CARF: variants seen among roughly 807,000 people sequenced by gnomAD.
CARF encodes calcium-responsive transcription factor.
A neutral mutation model predicts 82.0 loss-of-function variants in CARF; 57 were observed. The ratio of observed to expected loss-of-function variants is 0.70; its 90% CI spans 0.56 to 0.87. CARF has a LOEUF of 0.87. Among genes scored for constraint, CARF ranks in the 40% least tolerant of loss-of-function variants. The probability of loss-of-function intolerance (pLI) is 0.00; values close to 1 mark genes in which losing one functional copy is unlikely to be tolerated. For missense variants in CARF, 771 were observed against 855.8 expected (o/e 0.90, Z 1.24); for synonymous variants, 268 against 290.1 (o/e 0.92, Z 0.77).
chr2:202,942,989 C>T (rs2058304951), intron 5 of CARF, 22 bp downstream of exon 5: 1 of 1,590,748 alleles, frequency 6.3e-7, no homozygotes. Flanking sequence ...TTATAAGTAA[C>T]CAGTTTTATG....
At chr2:202,970,154 TTTCA>T (rs774552534) in intron 11 of CARF, 92 bp downstream of exon 11, 235 of 1,172,344 alleles carry the variant, frequency 2.0e-4, no homozygotes, top group Non-Finnish European at 2.6e-4. Context: ...TTTCCAACTA[TTTCA>T]TTAAGTAACG....
At chr2:202,917,203 T>G (rs1689866791) in intron 1 of CARF, among the ~76,000 whole-genome samples, 1 of 65,394 alleles carries the variant, frequency 1.5e-5, no homozygotes, top group Non-Finnish European at 2.8e-5. Context: ...AGAGCGAGAC[T>G]CCGTCTCAAA....
chr2:202,972,979 G>A (rs2059865004), intron 12 of CARF, among the ~76,000 whole-genome samples: 1 of 152,046 alleles, frequency 6.6e-6, no homozygotes, highest in Non-Finnish European at 1.5e-5. Flanking sequence ...GTCTTGCTAT[G>A]TTGCCCAGGC....
At chr2:202,970,782 T>A (rs983504550) in intron 11 of CARF, among the ~76,000 whole-genome samples, 8 of 152,198 alleles carry the variant, frequency 5.3e-5, no homozygotes, top group Non-Finnish European at 7.3e-5. Context: ...TTGTCAGTTA[T>A]TGTAATAATT....
chr2:202,943,789 A>G (rs1276326530), intron 5 of CARF, among the ~76,000 whole-genome samples: 2 of 151,948 alleles, frequency 1.3e-5, no homozygotes, highest in Admixed American at 1.3e-4. Context: ...CTGGGGTTAC[A>G]GGCACCTGCC....
chr2:202,951,259 T>C (rs906977775), intron 5 of CARF, among the ~76,000 whole-genome samples: 21 of 152,274 alleles, frequency 1.4e-4, no homozygotes, highest in Admixed American at 1.0e-3. Context: ...CTCAAACTCC[T>C]GGGTTCAAGT....
intron 9 of CARF, among the ~76,000 whole-genome samples, chr2:202,965,449 TTTAC>T (rs1422815277): frequency 2.0e-5 from 3 of 152,196 alleles, no homozygotes; most frequent in Non-Finnish European, 4.4e-5. Flanking sequence ...CATTTCCCTG[TTTAC>T]TTAAAGTTGA....
At chr2:202,980,157 C>T (rs1372053677) in intron 14 of CARF, among the ~76,000 whole-genome samples, 4 of 152,048 alleles carry the variant, frequency 2.6e-5, no homozygotes, top group South Asian at 2.1e-4. Context: ...AAGGTTTCAC[C>T]GTGTTGCCCA....
Position 202,970,056 on chromosome 2 carries a change from T to G in CARF, c.1091T>G (p.Val364Gly), listed in dbSNP as rs2059722836. 2 of 1,562,540 alleles carry G rather than the reference T, an allele frequency of 1.3e-6. No homozygotes were observed. Among genetic ancestry groups the G allele is most frequent in the South Asian group, 2.5e-5 (2 of 80,088 alleles). ...LKKNLVDAGG[V>G]LRWYVQLPTQ... is the part of the protein sequence containing the mutation. The stretch of plus-strand genomic sequence containing the variant: ...AAGAACTTGGTAGATGCTGGTGGTG[T>G]TCTTAGGTATGACATTTTTATAGTT... Residue 364 changes from valine to glycine, a missense_variant, in exon 11 of 17, where the codon GTT (valine) becomes GGT (glycine). By Grantham distance (109) the Val-to-Gly change is moderately radical. Coordinates refer to ENST00000438828, the MANE Select transcript of CARF (RefSeq NM_024744.17).
chr2:202,976,388 G>A lies in CARF; in HGVS notation c.1495-881G>A, dbSNP rs564369659. On this transcript the variant is annotated intron_variant, in intron 13 of 16. Coordinates refer to ENST00000438828, the MANE Select transcript of CARF (RefSeq NM_024744.17). ...CGGGTTTCACCATGTTGGCCAGGCT[G>A]GTCTCAAACTCCTGACCTCACGTGA... Among the ~76,000 whole-genome samples, 332 of 152,136 alleles carry A rather than the reference G, an allele frequency of 2.2e-3. 2 individuals carry two copies. The highest frequency in any genetic ancestry group is 7.5e-3 in the African/African-American group (313 of 41,518).
chr2:202,953,910 T>C, intron 6 of CARF, 95 bp from the exon 7 acceptor site: 1 of 1,058,440 alleles, frequency 9.4e-7, no homozygotes, highest in Non-Finnish European at 1.3e-6. Flanking sequence ...ATAAATTTTC[T>C]TTACCTATTA....
chr2:202,960,470 G>A (rs1380477734), intron 8 of CARF, among the ~76,000 whole-genome samples: 2 of 151,942 alleles, frequency 1.3e-5, no homozygotes, highest in African/African-American at 2.4e-5. Flanking sequence ...GGCTGGTTTC[G>A]AACTCTTGAC....
intron 11 of CARF, 141 bp from the exon 12 acceptor site, chr2:202,971,364 C>T: frequency 2.4e-6 from 1 of 425,388 alleles, no homozygotes; most frequent in Non-Finnish European, 4.1e-6. Context: ...ATGAAATAAC[C>T]ATATATAATT....
intron 14 of CARF, among the ~76,000 whole-genome samples, chr2:202,978,149 C>G (rs2060108715): frequency 6.6e-6 from 1 of 152,116 alleles, no homozygotes; most frequent in Admixed American, 6.6e-5. Context: ...CCCGGCCAAA[C>G]CTCTGAATTT....
intron 6 of CARF, among the ~76,000 whole-genome samples, chr2:202,953,517 T>TTTTTTTTTTC (rs2058869787): frequency 7.0e-6 from 1 of 143,414 alleles, no homozygotes; most frequent in Non-Finnish European, 1.5e-5. Context: ...TTTTTTTTTT[T>TTTTTTTTTTC]GCTTTCCTCC....
At chr2:202,922,953 CA>C (rs1453328584) in intron 2 of CARF, among the ~76,000 whole-genome samples, 1 of 151,738 alleles carries the variant, frequency 6.6e-6, no homozygotes, top group African/African-American at 2.4e-5. Flanking sequence ...AAGAATTCAG[CA>C]AAGAAGGCCA....
In CARF at chr2:202,925,921, G is replaced by A. The variant is rs60914719; in HGVS notation, c.-44+1506G>A. ...ACTCAAGGGGCTGAGCTCGGCCTGC[G>A]AAGGCCTCACAAGCTTTGGCCACAA... is the stretch of plus-strand genomic sequence containing the variant. On this transcript the variant is annotated intron_variant, in intron 3 of 16. Transcript: ENST00000438828. The A allele has an allele frequency of 1.7e-4, 28 of 162,794 alleles. 1 individual carries two copies. In the East Asian group the frequency reaches 2.5e-3, roughly 14 times the overall value. The allele number at this position is 162,794 out of a possible 1,614,324, so 10.1% of individuals were successfully genotyped here. A position where few individuals can be genotyped will look rare whatever the true frequency, so the allele number is the denominator to read the frequency against.
At chr2:202,977,121 C>A in intron 13 of CARF, 148 bp from the exon 14 acceptor site, 1 of 624,970 alleles carries the variant, frequency 1.6e-6, no homozygotes, top group Non-Finnish European at 2.9e-6. Context: ...GTAAAGTATA[C>A]TTGTGCTTGA....
chr2:202,961,534 G>C (rs760052398), intron 9 of CARF, 108 bp downstream of exon 9: 1 of 913,884 alleles, frequency 1.1e-6, no homozygotes, highest in Non-Finnish European at 1.7e-6. Flanking sequence ...GCTGACAATT[G>C]AATGCTAATT....
Sources: allele counts gnomAD v4.1 joint callset (sites outside exome capture counted in the v4.1 genomes callset), GRCh38; gene constraint gnomAD v4.1.1; transcripts MANE v1.5; gene names NCBI Gene and HGNC (gene_info 2026-07-23, HGNC 2026-07-21).